ZFHX3: variants seen among roughly 807,000 people sequenced by gnomAD.
The protein encoded by ZFHX3 is zinc finger homeobox 3.
ZFHX3 carries 42 observed loss-of-function variants against 279.1 expected under a neutral mutation model. The observed-to-expected ratio is 0.15, with a 90% confidence interval of 0.12 to 0.19. The LOEUF is 0.19. ZFHX3 is among the 10% of genes least tolerant of loss of function. The pLI is 1.00. For synonymous variants in ZFHX3, 2,293 were observed against 1,957.8 expected, an observed-to-expected ratio of 1.17 and a Z score of -4.52; for missense variants, 4,981 against 4,754.0, an observed-to-expected ratio of 1.05 and a Z score of -1.40.
chr16:72,887,684 TG>T (rs1235202882), intron 4 of ZFHX3, among the ~76,000 whole-genome samples: 1 of 72,844 alleles, frequency 1.4e-5, no homozygotes, highest in Non-Finnish European at 2.7e-5. Context: ...TGCTTGCATG[TG>T]GGGGGTGCAG....
At chr16:73,605,672 A>G (rs1347618146) in intron 2 of ZFHX3, among the ~76,000 whole-genome samples, 6 of 151,062 alleles carry the variant, frequency 4.0e-5, no homozygotes, top group Non-Finnish European at 8.8e-5. Context: ...GCTATGGGGG[A>G]AGGCTGGTCT....
chr16:73,195,413 A>ATT (rs9302646), intron 5 of ZFHX3, among the ~76,000 whole-genome samples: 13 of 93,106 alleles, frequency 1.4e-4, no homozygotes, highest in East Asian at 7.6e-4. Context: ...TGTCTTTACT[A>ATT]TTTTTTTTTT....
chr16:73,609,040 C>A (rs560588983), intron 2 of ZFHX3: 1 of 152,272 alleles, frequency 6.6e-6, no homozygotes, highest in African/African-American at 2.4e-5. Context: ...AACTTTGTAA[C>A]AATCTGATGT....
At chr16:73,040,216 G>A (rs984150748) in intron 1 of ZFHX3, among the ~76,000 whole-genome samples, 1 of 152,120 alleles carries the variant, frequency 6.6e-6, no homozygotes, top group Non-Finnish European at 1.5e-5. Context: ...GACAGGCAAC[G>A]GAGCAGCAAA....
intron 7 of ZFHX3, among the ~76,000 whole-genome samples, chr16:73,122,892 A>C (rs1383373541): frequency 6.6e-6 from 1 of 152,138 alleles, no homozygotes; most frequent in Non-Finnish European, 1.5e-5. Flanking sequence ...GTGGAGTTAA[A>C]ATGTATAACA....
At chr16:73,605,040 C>A (rs1348336064) in intron 2 of ZFHX3, among the ~76,000 whole-genome samples, 1 of 152,200 alleles carries the variant, frequency 6.6e-6, no homozygotes, top group African/African-American at 2.4e-5. Flanking sequence ...TACCCCAGCT[C>A]TGATTGCCCA....
intron 7 of ZFHX3, among the ~76,000 whole-genome samples, chr16:73,094,213 G>C (rs1468075662): frequency 6.6e-6 from 1 of 152,144 alleles, no homozygotes; most frequent in East Asian, 1.9e-4. Flanking sequence ...GCATAGTTTA[G>C]GTATTTTTCT....
chr16:72,975,367 CG>C (rs1053509427), intron 1 of ZFHX3, among the ~76,000 whole-genome samples: 1 of 152,092 alleles, frequency 6.6e-6, no homozygotes, highest in African/African-American at 2.4e-5. Flanking sequence ...CACTTGAACC[CG>C]GGAGGCAGAA....
At chr16:73,037,050 C>T (rs989229783) in intron 1 of ZFHX3, among the ~76,000 whole-genome samples, 1 of 152,190 alleles carries the variant, frequency 6.6e-6, no homozygotes, top group South Asian at 2.1e-4. Context: ...TCACCCCACC[C>T]TCCCATCAAC....
chr16:72,996,519 C>G (rs1963300832), intron 1 of ZFHX3, among the ~76,000 whole-genome samples: 1 of 152,218 alleles, frequency 6.6e-6, no homozygotes, highest in Non-Finnish European at 1.5e-5. Flanking sequence ...TCCAGACATC[C>G]TTAAGCACCA....
chr16:72,895,699 C>T (rs903938299), intron 3 of ZFHX3, among the ~76,000 whole-genome samples: 4 of 152,178 alleles, frequency 2.6e-5, no homozygotes, highest in African/African-American at 4.8e-5. Flanking sequence ...TGGCACATGC[C>T]TGTAGTCTTA....
intron 1 of ZFHX3, among the ~76,000 whole-genome samples, chr16:72,962,089 C>T (rs912802297): frequency 6.6e-6 from 1 of 152,184 alleles, no homozygotes; most frequent in Non-Finnish European, 1.5e-5. Flanking sequence ...GGAGGGTTAA[C>T]AGCCCGATTG....
At chr16:73,227,240 T>TA (rs2012624146) in intron 5 of ZFHX3, among the ~76,000 whole-genome samples, 1 of 152,228 alleles carries the variant, frequency 6.6e-6, no homozygotes. Flanking sequence ...ATATTCTTTT[T>TA]AACCTGTGGT....
At chr16:72,843,459 C>T (rs952504855) in intron 4 of ZFHX3, among the ~76,000 whole-genome samples, 1 of 146,950 alleles carries the variant, frequency 6.8e-6, no homozygotes, top group African/African-American at 2.5e-5. Flanking sequence ...TGCAGTGAGC[C>T]GAGATCCCGC....
At chr16:73,573,026 T>A (rs2051757731) in intron 2 of ZFHX3, among the ~76,000 whole-genome samples, 1 of 152,204 alleles carries the variant, frequency 6.6e-6, no homozygotes, top group South Asian at 2.1e-4. Context: ...TATGCCATGG[T>A]TTATCCCTCC....
In ZFHX3 at chr16:72,985,096, T is replaced by C. The variant is rs147959069; in HGVS notation, c.-49-24902A>G. The stretch of plus-strand genomic sequence containing the variant: ...TCCCAAGTTTCTGAGAAACGTCACT[T>C]AATACTACGTAATCTCGAAATGATG... On this transcript the variant is annotated intron_variant, in intron 1 of 9. Transcript: ENST00000268489. Among the ~76,000 whole-genome samples the C allele has an allele frequency of 6.5e-3, 993 of 152,270 alleles. 10 individuals are homozygous for C. Among genetic ancestry groups the C allele is most frequent in the Middle Eastern group, 0.017 (5 of 294 alleles).
chr16:73,655,328 G>T (rs1426184626), intron 2 of ZFHX3, among the ~76,000 whole-genome samples: 1 of 152,118 alleles, frequency 6.6e-6, no homozygotes, highest in Non-Finnish European at 1.5e-5. Context: ...AAAATATAAG[G>T]ATTAGAAAGA....
chr16:73,776,497 G>T (rs1420733977), intron 1 of ZFHX3, among the ~76,000 whole-genome samples: 2 of 152,086 alleles, frequency 1.3e-5, no homozygotes, highest in African/African-American at 4.8e-5. Flanking sequence ...GGCTATCGAC[G>T]ACAGGGAGTA....
At chr16:73,647,482 T>G (rs1294172652) in intron 2 of ZFHX3, among the ~76,000 whole-genome samples, 1 of 152,206 alleles carries the variant, frequency 6.6e-6, no homozygotes, top group Admixed American at 6.5e-5. Context: ...ACTCCCTCTC[T>G]CCTACTGCCA....
Sources: gnomAD v4.1 joint callset for allele counts (sites outside exome capture counted in the v4.1 genomes callset) on GRCh38, gnomAD v4.1.1 for gene constraint, MANE v1.5 for transcripts, NCBI Gene and HGNC (gene_info 2026-07-23, HGNC 2026-07-21) for gene names.